The following PIGL variants were observed in gnomAD, a reference collection of about 807,000 sequenced individuals.
PIGL encodes the protein N-acetylglucosaminyl-phosphatidylinositol de-N-acetylase.
In PIGL, 22 loss-of-function variants were observed where a neutral mutation model predicts 31.1. That is an observed-to-expected ratio of 0.71 (90% CI 0.51 to 1.01). The LOEUF (loss-of-function observed/expected upper bound fraction) is 1.01. Ranked by LOEUF, PIGL falls within the 50% of genes least tolerant of loss-of-function variation. The pLI is 0.00. For missense variants in PIGL, 302 were observed against 315.9 expected (o/e 0.96, Z 0.33); for synonymous variants, 131 against 117.4 (o/e 1.12, Z -0.75).
At position 16,321,758 on chromosome 17, in the gene PIGL, GTCTT is replaced by G. The variant is rs946127960; in HGVS notation, c.660+3864_660+3867del. Among the ~76,000 whole-genome samples the G allele has an allele frequency of 8.6e-5, 13 of 150,452 alleles. No homozygotes were observed. The Middle Eastern group carries it at 0.01, about 119-fold the overall frequency. ...CCTCCCTCTTTCTGTCTGTCTGTCT[GTCTT>G]TCTTTCTTTCTTTTTACTGTTATTT... is the stretch of plus-strand genomic sequence containing the variant. On this transcript the variant is annotated intron_variant, in intron 6 of 6. Transcript: ENST00000225609.
intron 2 of PIGL, among the ~76,000 whole-genome samples, chr17:16,264,599 C>CATTATTATT (rs67790275): frequency 8.3e-5 from 12 of 144,022 alleles, no homozygotes; most frequent in East Asian, 4.1e-4. Context: ...AACACATCGT[C>CATTATTATT]ATTATTATTA....
In PIGL at chr17:16,291,494, G is replaced by A. The variant is rs1329581389; in HGVS notation, c.336-8394G>A. 5.4e-4 allele frequency among the ~76,000 whole-genome samples: 72 copies of A among 134,544 alleles called. 1 individual carries two copies. The highest frequency in any genetic ancestry group is 2.8e-3 in the South Asian group (11 of 3,996). 88.3% of individuals were successfully genotyped at this position (134,544 alleles called of 152,430 possible). On this transcript the variant is annotated intron_variant, in intron 2 of 6. Coordinates refer to ENST00000225609, the MANE Select transcript of PIGL (RefSeq NM_004278.4). ...TGCACTATAGCCTGGGCAACAGAGC[G>A]AGACTCTGGCTCAAAAAAAAAAAAA... is the stretch of plus-strand genomic sequence containing the variant.
At chr17:16,276,474 T>C (rs1351887927) in intron 2 of PIGL, among the ~76,000 whole-genome samples, 1 of 152,244 alleles carries the variant, frequency 6.6e-6, no homozygotes, top group African/African-American at 2.4e-5. Flanking sequence ...GGCTCACACC[T>C]ATAATCCCAG....
At chr17:16,285,640 G>A (rs1034610082) in intron 2 of PIGL, among the ~76,000 whole-genome samples, 7 of 152,104 alleles carry the variant, frequency 4.6e-5, no homozygotes, top group African/African-American at 1.4e-4. Flanking sequence ...GCTCTCTTAG[G>A]GCATTTGGTC....
chr17:16,236,249 C>T (rs886311548), intron 2 of PIGL, among the ~76,000 whole-genome samples: 2 of 152,266 alleles, frequency 1.3e-5, no homozygotes, highest in South Asian at 4.1e-4. Flanking sequence ...TGGGAGGACA[C>T]CTAACTTTCA....
intron 2 of PIGL, among the ~76,000 whole-genome samples, chr17:16,294,627 T>C (rs1177662679): frequency 6.6e-6 from 1 of 152,202 alleles, no homozygotes; most frequent in African/African-American, 2.4e-5. Context: ...ACACCTGCTG[T>C]GAGTAAGACA....
intron 4 of PIGL, among the ~76,000 whole-genome samples, chr17:16,314,626 A>G (rs1389510730): frequency 6.6e-6 from 1 of 152,126 alleles, no homozygotes; most frequent in Non-Finnish European, 1.5e-5. Flanking sequence ...TTCCTTGACT[A>G]TGGAATGAGG....
chr17:16,280,288 G>A (rs893512649), intron 2 of PIGL, among the ~76,000 whole-genome samples: 1 of 152,218 alleles, frequency 6.6e-6, no homozygotes, highest in Non-Finnish European at 1.5e-5. Flanking sequence ...TATAAGACTG[G>A]AGAAAGAGGG....
intron 3 of PIGL, among the ~76,000 whole-genome samples, chr17:16,307,963 CAAAAA>C (rs200906989): frequency 1.6e-5 from 1 of 62,572 alleles, no homozygotes. Context: ...GACCTTGTCT[CAAAAA>C]AAAAAAAAAA....
At chr17:16,251,704 A>G (rs1416861966) in intron 2 of PIGL, among the ~76,000 whole-genome samples, 1 of 151,378 alleles carries the variant, frequency 6.6e-6, no homozygotes, top group African/African-American at 2.4e-5. Flanking sequence ...CATGCTGCAC[A>G]GATGTTAACA....
chr17:16,264,139 A>C (rs1347933387), intron 2 of PIGL, among the ~76,000 whole-genome samples: 1 of 151,338 alleles, frequency 6.6e-6, no homozygotes, highest in African/African-American at 2.4e-5. Context: ...CAGCCTCCCA[A>C]GTAGCTGGGA....
chr17:16,260,287 C>T (rs2092813907), intron 2 of PIGL, among the ~76,000 whole-genome samples: 1 of 152,200 alleles, frequency 6.6e-6, no homozygotes, highest in Non-Finnish European at 1.5e-5. Context: ...CCAGTGACAG[C>T]CTGAAGCCTG....
intron 2 of PIGL, among the ~76,000 whole-genome samples, chr17:16,269,926 A>C (rs57100283): frequency 0.032 from 4,940 of 152,086 alleles, 267 homozygotes; most frequent in African/African-American, 0.11. Flanking sequence ...CTTACACTTC[A>C]TTCATCTGTC....
chr17:16,260,619 T>C (rs73281964), intron 2 of PIGL, among the ~76,000 whole-genome samples: 8,047 of 152,136 alleles, frequency 0.053, 567 homozygotes, highest in African/African-American at 0.16. Flanking sequence ...AGGGAGCTAC[T>C]CACTGCAGGT....
At chr17:16,287,713 C>T (rs2092943990) in intron 2 of PIGL, among the ~76,000 whole-genome samples, 1 of 152,148 alleles carries the variant, frequency 6.6e-6, no homozygotes, top group Non-Finnish European at 1.5e-5. Context: ...ACATTCCTTA[C>T]CGTGGGTGTA....
intron 2 of PIGL, among the ~76,000 whole-genome samples, chr17:16,253,085 C>T (rs915553003): frequency 6.6e-6 from 1 of 152,066 alleles, no homozygotes; most frequent in African/African-American, 2.4e-5. Flanking sequence ...GGGGTGATGG[C>T]GCATGCCTGG....
intron 1 of PIGL, among the ~76,000 whole-genome samples, chr17:16,218,417 G>A (rs756466747): frequency 2.0e-5 from 3 of 152,170 alleles, no homozygotes; most frequent in Non-Finnish European, 4.4e-5. Flanking sequence ...CTAGATAAGA[G>A]CAGTGTCCTC....
intron 3 of PIGL, among the ~76,000 whole-genome samples, chr17:16,310,659 C>T (rs1006620226): frequency 2.0e-5 from 3 of 152,150 alleles, no homozygotes; most frequent in African/African-American, 7.2e-5. Flanking sequence ...GCCTCAACCT[C>T]CCAAGTAGCT....
chr17:16,269,480 T>C (rs2092860424), intron 2 of PIGL, among the ~76,000 whole-genome samples: 1 of 151,928 alleles, frequency 6.6e-6, no homozygotes, highest in Admixed American at 6.6e-5. Context: ...AAACCCCGTC[T>C]CTACTAAAAA....
Sources: allele counts gnomAD v4.1 joint callset (sites outside exome capture counted in the v4.1 genomes callset), GRCh38; gene constraint gnomAD v4.1.1; transcripts MANE v1.5; gene names NCBI Gene and HGNC (gene_info 2026-07-23, HGNC 2026-07-21).